Variants in NAV2 observed in about 807,000 individuals in gnomAD.
NAV2 encodes the protein helicase, APC down-regulated 1.
In NAV2, 54 loss-of-function variants were observed where a neutral mutation model predicts 223.2. The ratio of observed to expected loss-of-function variants is 0.24; its 90% CI spans 0.19 to 0.30. NAV2 has a LOEUF of 0.30. NAV2 is among the 10% of genes least tolerant of loss of function. The pLI, the probability that NAV2 is intolerant of heterozygous loss-of-function variation, is 1.00. For missense variants in NAV2, 2,806 were observed against 3,147.5 expected (o/e 0.89, Z 2.60); for synonymous variants, 1,279 against 1,239.3 (o/e 1.03, Z -0.67).
At chr11:20,088,428 C>A (rs1642010395) in intron 26 of NAV2, among the ~76,000 whole-genome samples, 1 of 152,204 alleles carries the variant, frequency 6.6e-6, no homozygotes, top group Non-Finnish European at 1.5e-5. Context: ...CTCAGATGAT[C>A]CACCTGCCTC....
At chr11:19,921,294 G>C (rs1404922592) in intron 6 of NAV2, among the ~76,000 whole-genome samples, 1 of 152,106 alleles carries the variant, frequency 6.6e-6, no homozygotes, top group Admixed American at 6.5e-5. Context: ...GTCCAATTCA[G>C]CTCTCAGTTT....
At chr11:19,831,224 G>GGT (rs1491269763) in intron 1 of NAV2, among the ~76,000 whole-genome samples, 769 of 40,410 alleles carry the variant, frequency 0.019, 98 homozygotes, top group Non-Finnish European at 0.031. Context: ...GGAGTGTTGC[G>GGT]GGGGGGGGGG....
intron 1 of NAV2, among the ~76,000 whole-genome samples, chr11:19,609,704 G>A (rs1487213): frequency 0.96 from 146,188 of 152,254 alleles, 70,417 homozygotes; most frequent in Non-Finnish European, 1. Context: ...CGGAGGGAGG[G>A]GGTTATTACC....
At chr11:19,674,577 TGG>T (rs149972882) in intron 1 of NAV2, among the ~76,000 whole-genome samples, 1 of 152,296 alleles carries the variant, frequency 6.6e-6, no homozygotes, top group Non-Finnish European at 1.5e-5. Flanking sequence ...AAACAAAAGG[TGG>T]GGGCAAACCC....
chr11:19,945,804 T>C (rs2046893953), intron 8 of NAV2, among the ~76,000 whole-genome samples: 1 of 152,158 alleles, frequency 6.6e-6, no homozygotes, highest in Non-Finnish European at 1.5e-5. Context: ...TTTAGAAAAG[T>C]GAAGTCTGAA....
intron 10 of NAV2, among the ~76,000 whole-genome samples, chr11:19,961,996 G>A (rs539747564): frequency 1.4e-4 from 22 of 151,824 alleles, no homozygotes; most frequent in African/African-American, 5.1e-4. Context: ...ATGTGTAGAG[G>A]AATTGGTCAT....
intron 27 of NAV2, 100 bp from the exon 28 acceptor site, chr11:20,092,106 C>T: frequency 8.4e-7 from 1 of 1,193,768 alleles, no homozygotes; most frequent in Non-Finnish European, 1.2e-6. Flanking sequence ...GGTGGAAGAC[C>T]AGCCTGGTTT....
intron 1 of NAV2, among the ~76,000 whole-genome samples, chr11:19,469,089 G>A (rs918802183): frequency 6.6e-6 from 1 of 152,196 alleles, no homozygotes; most frequent in Non-Finnish European, 1.5e-5. Flanking sequence ...TTCAGAAACT[G>A]CAGTCCTCTG....
At chr11:19,715,611 C>G (rs1004556557) in intron 1 of NAV2, among the ~76,000 whole-genome samples, 1 of 152,282 alleles carries the variant, frequency 6.6e-6, no homozygotes, top group South Asian at 2.1e-4. Context: ...CTGCCTTTGC[C>G]CGTTTGACCC....
At chr11:19,385,753 C>CTTTTTTTTTTTTTTTTTTTTTTTTT (rs201669772) in intron 1 of NAV2, among the ~76,000 whole-genome samples, 1 of 112,770 alleles carries the variant, frequency 8.9e-6, no homozygotes, top group African/African-American at 3.8e-5. Context: ...AATATAGCTC[C>CTTTTTTTTTTTTTTTTTTTTTTTTT]TTTTTTTTTT....
At chr11:19,642,237 G>T (rs1392923585) in intron 1 of NAV2, among the ~76,000 whole-genome samples, 1 of 152,138 alleles carries the variant, frequency 6.6e-6, no homozygotes, top group Non-Finnish European at 1.5e-5. Flanking sequence ...CCCCACCCAG[G>T]CACAAGCCAG....
intron 11 of NAV2, among the ~76,000 whole-genome samples, chr11:20,007,946 T>C (rs1288336440): frequency 3.3e-5 from 5 of 152,276 alleles, no homozygotes; most frequent in Admixed American, 6.5e-5. Context: ...AATATTTTTA[T>C]AGAAGAGAAC....
intron 1 of NAV2, among the ~76,000 whole-genome samples, chr11:19,419,018 G>C (rs956412242): frequency 6.6e-6 from 1 of 152,050 alleles, no homozygotes; most frequent in South Asian, 2.1e-4. Context: ...GCAGTAATAG[G>C]GACTCAAGGA....
intron 1 of NAV2, among the ~76,000 whole-genome samples, chr11:19,743,110 G>A (rs566307589): frequency 6.6e-6 from 1 of 152,332 alleles, no homozygotes; most frequent in African/African-American, 2.4e-5. Context: ...CCCTATTTGG[G>A]ATTTTGGACA....
chr11:19,375,909 T>A (rs953507055), intron 1 of NAV2, among the ~76,000 whole-genome samples: 2 of 152,338 alleles, frequency 1.3e-5, no homozygotes, highest in Admixed American at 1.3e-4. Flanking sequence ...AATATCATTA[T>A]AAATATCTTG....
At chr11:19,625,222 C>T (rs1275265566) in intron 1 of NAV2, among the ~76,000 whole-genome samples, 1 of 152,180 alleles carries the variant, frequency 6.6e-6, no homozygotes, top group African/African-American at 2.4e-5. Flanking sequence ...CTTTCCCTTC[C>T]TCCAACCCTT....
intron 6 of NAV2, among the ~76,000 whole-genome samples, chr11:19,897,061 T>G (rs893626524): frequency 1.3e-4 from 19 of 151,852 alleles, no homozygotes; most frequent in African/African-American, 3.6e-4. Flanking sequence ...CCATAAAAAA[T>G]GATGAGTTCA....
chr11:19,370,177 G>A (rs901615368), intron 1 of NAV2, among the ~76,000 whole-genome samples: 10 of 152,084 alleles, frequency 6.6e-5, no homozygotes, highest in African/African-American at 1.4e-4. Context: ...TCACCCCTGC[G>A]ACCTTTCCTT....
intron 1 of NAV2, among the ~76,000 whole-genome samples, chr11:19,388,130 C>T (rs190119706): frequency 6.6e-6 from 1 of 152,286 alleles, no homozygotes; most frequent in Admixed American, 6.5e-5. Context: ...AAGAAAGAAA[C>T]GTCAGACTTT....
Sources: allele counts gnomAD v4.1 joint callset (sites outside exome capture counted in the v4.1 genomes callset), GRCh38; gene constraint gnomAD v4.1.1; transcripts MANE v1.5; gene names NCBI Gene and HGNC (gene_info 2026-07-23, HGNC 2026-07-21).